The following CPA6 variants were observed in gnomAD, a reference collection of about 807,000 sequenced individuals.
CPA6 encodes carboxypeptidase A6.
Under a neutral mutation model 63.3 loss-of-function variants are expected in CPA6, and 58 were observed. The observed-to-expected ratio is 0.92, with a 90% CI of 0.74 to 1.14. CPA6 has a LOEUF of 1.14. Ranked by LOEUF, CPA6 falls within the 50% of genes most tolerant of loss-of-function variation. The pLI, the probability that CPA6 is intolerant of heterozygous loss-of-function variation, is 0.00. For synonymous variants in CPA6, 185 were observed against 179.0 expected (o/e 1.03, Z -0.27); for missense variants, 565 against 526.6 (o/e 1.07, Z -0.71).
chr8:67,557,709 T>G (rs959704957), intron 2 of CPA6, among the ~76,000 whole-genome samples: 2 of 152,210 alleles, frequency 1.3e-5, no homozygotes, highest in African/African-American at 2.4e-5. Context: ...ATAGGAGTCT[T>G]CCTGCAAACT....
intron 1 of CPA6, among the ~76,000 whole-genome samples, chr8:67,690,594 A>T (rs1180341397): frequency 6.6e-6 from 1 of 152,160 alleles, no homozygotes; most frequent in Non-Finnish European, 1.5e-5. Context: ...GACCCCTATT[A>T]AACTCTGAAA....
chr8:67,544,330 G>C (rs1315980016), intron 2 of CPA6, among the ~76,000 whole-genome samples: 1 of 152,172 alleles, frequency 6.6e-6, no homozygotes, highest in East Asian at 1.9e-4. Context: ...TTACAGGAAG[G>C]AACGCTTCCG....
intron 8 of CPA6, among the ~76,000 whole-genome samples, chr8:67,473,848 C>T (rs35007850): frequency 0.38 from 57,639 of 151,912 alleles, 11,237 homozygotes; most frequent in Middle Eastern, 0.48. Context: ...CTCAGGTGAT[C>T]TGCCTGCCTA....
chr8:67,487,736 T>C (rs1242462409), intron 6 of CPA6, among the ~76,000 whole-genome samples: 1 of 152,234 alleles, frequency 6.6e-6, no homozygotes, highest in Non-Finnish European at 1.5e-5. Context: ...CCTGACTTTT[T>C]AATGATCACC....
chr8:67,475,888 TTC>T (rs1563968082), intron 8 of CPA6, among the ~76,000 whole-genome samples: 19 of 52,200 alleles, frequency 3.6e-4, no homozygotes, highest in Admixed American at 1.6e-3. Flanking sequence ...TCTCCTTTCT[TTC>T]TTTCTTTCTT....
intron 2 of CPA6, among the ~76,000 whole-genome samples, chr8:67,583,996 A>AT (rs1813850045): frequency 6.6e-6 from 1 of 152,006 alleles, no homozygotes; most frequent in African/African-American, 2.4e-5. Flanking sequence ...TCTCTACTAA[A>AT]AATACAAAAA....
chr8:67,639,804 G>A (rs930758592), intron 1 of CPA6, among the ~76,000 whole-genome samples: 1 of 151,528 alleles, frequency 6.6e-6, no homozygotes, highest in Non-Finnish European at 1.5e-5. Context: ...GAAGAATGAG[G>A]TACGCAGACA....
chr8:67,695,824 A>G (rs1293424639), intron 1 of CPA6, among the ~76,000 whole-genome samples: 1 of 152,212 alleles, frequency 6.6e-6, no homozygotes, highest in African/African-American at 2.4e-5. Flanking sequence ...TTACAGGTCC[A>G]GGAATCAAGG....
intron 1 of CPA6, among the ~76,000 whole-genome samples, chr8:67,683,148 C>T (rs1035194794): frequency 3.3e-5 from 5 of 152,292 alleles, no homozygotes; most frequent in Middle Eastern, 3.4e-3. Flanking sequence ...TTGCTTATTC[C>T]CCCTGTGGGA....
At chr8:67,657,203 C>A (rs1816005845) in intron 1 of CPA6, among the ~76,000 whole-genome samples, 1 of 151,966 alleles carries the variant, frequency 6.6e-6, no homozygotes, top group Non-Finnish European at 1.5e-5. Context: ...CCATTTTCAT[C>A]CAGAAAGAAA....
At chr8:67,496,016 T>C (rs990267748) in intron 6 of CPA6, among the ~76,000 whole-genome samples, 9 of 152,170 alleles carry the variant, frequency 5.9e-5, no homozygotes, top group African/African-American at 2.2e-4. Flanking sequence ...ATTCTCAACA[T>C]TAATCTTTTC....
intron 8 of CPA6, among the ~76,000 whole-genome samples, chr8:67,435,128 C>G (rs1460551465): frequency 6.6e-6 from 1 of 152,182 alleles, no homozygotes; most frequent in African/African-American, 2.4e-5. Context: ...AGGTCCATCC[C>G]CAGCAAATGT....
At chr8:67,717,962 T>C (rs1363445620) in intron 1 of CPA6, among the ~76,000 whole-genome samples, 2 of 152,182 alleles carry the variant, frequency 1.3e-5, no homozygotes, top group African/African-American at 4.8e-5. Context: ...CTAGTGGGTA[T>C]ACTGTTAGTG....
chr8:67,711,205 A>G (rs572094875), intron 1 of CPA6, among the ~76,000 whole-genome samples: 17 of 152,358 alleles, frequency 1.1e-4, no homozygotes, highest in South Asian at 6.2e-4. Context: ...GGAAAGATCC[A>G]CAATCCTACT....
intron 1 of CPA6, among the ~76,000 whole-genome samples, chr8:67,684,722 C>A (rs1168128458): frequency 5.3e-5 from 8 of 152,138 alleles, no homozygotes; most frequent in Non-Finnish European, 1.2e-4. Context: ...GGCCCCTGAA[C>A]CTTCTCCTAG....
chr8:67,431,300 T>A (rs912062304), intron 9 of CPA6, among the ~76,000 whole-genome samples: 1 of 152,112 alleles, frequency 6.6e-6, no homozygotes, highest in Admixed American at 6.5e-5. Flanking sequence ...AATGCAGTGA[T>A]GCCATCTTGG....
chr8:67,505,970 C>G (rs1203097776), intron 6 of CPA6, among the ~76,000 whole-genome samples: 1 of 152,052 alleles, frequency 6.6e-6, no homozygotes. Flanking sequence ...CCTTCATATC[C>G]TTCGACTTTC....
chr8:67,556,069 T>C (rs560460633), intron 2 of CPA6, among the ~76,000 whole-genome samples: 25 of 152,288 alleles, frequency 1.6e-4, no homozygotes, highest in African/African-American at 5.5e-4. Context: ...GTGAACACCA[T>C]GCAGAACAGA....
chr8:67,428,203 A>G, intron 9 of CPA6, 72 bp from the exon 10 acceptor site: 1 of 816,572 alleles, frequency 1.2e-6, no homozygotes, highest in Non-Finnish European at 2.1e-6. Context: ...ATGTTGTTTG[A>G]GCCTCATCGA....
Sources: gnomAD v4.1 joint callset for allele counts (sites outside exome capture counted in the v4.1 genomes callset) on GRCh38, gnomAD v4.1.1 for gene constraint, MANE v1.5 for transcripts, NCBI Gene and HGNC (gene_info 2026-07-23, HGNC 2026-07-21) for gene names.